PFKP: variants seen among roughly 807,000 people sequenced by gnomAD.
The protein encoded by PFKP is phosphofructokinase, platelet.
PFKP carries 101 observed loss-of-function variants against 94.3 expected under a neutral mutation model. The ratio of observed to expected loss-of-function variants is 1.07; its 90% CI spans 0.91 to 1.26. PFKP has a LOEUF of 1.26. Among genes scored for constraint, PFKP ranks in the 50% most tolerant of loss-of-function variants. PFKP has a pLI of 0.00. For missense variants in PFKP, 1,145 were observed against 1,103.3 expected (o/e 1.04, Z -0.53); for synonymous variants, 573 against 432.6 (o/e 1.32, Z -4.03).
At chr10:3,135,978 G>C (rs1429183255) in intron 21 of PFKP, 140 bp downstream of exon 21, 9 of 621,308 alleles carry the variant, frequency 1.4e-5, no homozygotes, top group East Asian at 2.8e-5. Flanking sequence ...AAAAATACTA[G>C]GTCTTGGCTG....
intron 1 of PFKP, among the ~76,000 whole-genome samples, chr10:3,079,316 G>C (rs997540124): frequency 1.3e-5 from 2 of 151,688 alleles, no homozygotes; most frequent in East Asian, 1.9e-4. Context: ...CTCACTGCAA[G>C]CTCCACCTCC....
At chr10:3,100,619 G>A (rs1431987039) in intron 3 of PFKP, among the ~76,000 whole-genome samples, 2 of 152,182 alleles carry the variant, frequency 1.3e-5, no homozygotes, top group African/African-American at 4.8e-5. Context: ...AACCCCTGCT[G>A]TGCTTATGAG....
intron 2 of PFKP, among the ~76,000 whole-genome samples, chr10:3,090,408 G>A (rs1395707683): frequency 6.6e-6 from 1 of 152,202 alleles, no homozygotes. Context: ...AAAAGTCTGA[G>A]ACTAACGGGG....
intron 2 of PFKP, among the ~76,000 whole-genome samples, chr10:3,096,413 C>G (rs576589141): frequency 6.6e-5 from 10 of 152,206 alleles, no homozygotes; most frequent in Non-Finnish European, 1.3e-4. Flanking sequence ...ATGACCGCAA[C>G]AGCTCTGGGT....
chr10:3,093,638 CTTTTTTTT>C (rs765547765), intron 2 of PFKP, among the ~76,000 whole-genome samples: 1 of 94,056 alleles, frequency 1.1e-5, no homozygotes, highest in African/African-American at 4.7e-5. Flanking sequence ...CAAGCATTAT[CTTTTTTTT>C]TTTTTTTTTT....
At chr10:3,097,119 A>G (rs891031776) in intron 2 of PFKP, among the ~76,000 whole-genome samples, 10 of 149,240 alleles carry the variant, frequency 6.7e-5, no homozygotes, top group Admixed American at 1.3e-4. Context: ...TTGGGGTGGT[A>G]GAGATCACTG....
chr10:3,125,312 T>C (rs1388671088), intron 16 of PFKP: 2 of 1,119,668 alleles, frequency 1.8e-6, no homozygotes, highest in Admixed American at 3.5e-5. Flanking sequence ...TTGTTTCTTC[T>C]GTGCTAAGGA....
intron 2 of PFKP, among the ~76,000 whole-genome samples, chr10:3,098,295 T>C (rs1834662653): frequency 6.6e-6 from 1 of 152,192 alleles, no homozygotes; most frequent in East Asian, 1.9e-4. Flanking sequence ...AAGTGAGTTA[T>C]GTAGATGAAG....
intron 17 of PFKP, among the ~76,000 whole-genome samples, chr10:3,131,213 C>T (rs960925848): frequency 6.6e-6 from 1 of 152,150 alleles, no homozygotes; most frequent in Non-Finnish European, 1.5e-5. Flanking sequence ...CAGTATTCAA[C>T]AGTCCCAGAC....
intron 16 of PFKP, among the ~76,000 whole-genome samples, chr10:3,127,645 T>C (rs993661822): frequency 1.3e-5 from 2 of 152,202 alleles, no homozygotes; most frequent in Non-Finnish European, 2.9e-5. Flanking sequence ...CTCAGAATTC[T>C]GCACTGGCCC....
At position 3,108,776 on chromosome 10, in the gene PFKP, G is replaced by T; in HGVS notation, c.946G>T (p.Ala316Ser). 1 of 1,612,442 alleles carries T rather than the reference G, an allele frequency of 6.2e-7. No homozygotes were observed. Among genetic ancestry groups the T allele is most frequent in the Non-Finnish European group, 8.5e-7 (1 of 1,178,486 alleles). Residue 316 changes from alanine (A) to serine (S), a missense_variant, in exon 9 of 22, where the codon GCA becomes TCA. By Grantham distance (99) the Ala-to-Ser change is moderately conservative. Transcript: ENST00000381125. ...GHVQRGGTPS[A>S]FDRILASRMG... ...CGTGCAGAGAGGAGGGACCCCTTCGGCATTCGACAGGATCTTGGTGAGTTG... is the reference window on the plus strand; with the variant it reads ...CGTGCAGAGAGGAGGGACCCCTTCGTCATTCGACAGGATCTTGGTGAGTTG...
intron 1 of PFKP, among the ~76,000 whole-genome samples, chr10:3,073,523 G>A (rs1454883765): frequency 6.6e-6 from 1 of 151,862 alleles, no homozygotes; most frequent in Non-Finnish European, 1.5e-5. Flanking sequence ...ACCCCCTGGG[G>A]CCAGTGGAGC....
At chr10:3,107,664 C>T in intron 8 of PFKP, 1 of 859,550 alleles carries the variant, frequency 1.2e-6, no homozygotes, top group South Asian at 5.3e-5. Context: ...CCGACCCGGG[C>T]TTCTGTTTGC....
At chr10:3,098,375 G>A (rs1834671257) in intron 2 of PFKP, among the ~76,000 whole-genome samples, 1 of 152,002 alleles carries the variant, frequency 6.6e-6, no homozygotes, top group Non-Finnish European at 1.5e-5. Flanking sequence ...GATGCATTTA[G>A]CATTGAAAGG....
chr10:3,076,242 C>A (rs977303570), intron 1 of PFKP, among the ~76,000 whole-genome samples: 1 of 152,074 alleles, frequency 6.6e-6, no homozygotes, highest in Non-Finnish European at 1.5e-5. Flanking sequence ...AGTGTGGTCA[C>A]GCAATGGGTG....
At chr10:3,132,507 C>T (rs1588576690) in intron 18 of PFKP, 66 bp downstream of exon 18, 3 of 1,159,282 alleles carry the variant, frequency 2.6e-6, no homozygotes, top group East Asian at 2.3e-5. Flanking sequence ...AGATTCTAGT[C>T]TGTGACTTGG....
At position 3,094,836 on chromosome 10, in the gene PFKP, T is replaced by G. The variant is rs139407496; in HGVS notation, c.187-4439T>G. ...AGGAATGTTGTAGCTTTAGGTTCTG[T>G]GGGGGAGGGAAAAGGATTAAACTAG... On this transcript the variant is annotated intron_variant, in intron 2 of 21. Coordinates refer to ENST00000381125, the MANE Select transcript of PFKP (RefSeq NM_002627.5). Among the ~76,000 whole-genome samples the G allele has an allele frequency of 4.7e-3, 722 of 152,122 alleles. 8 individuals are homozygous for G. The highest frequency in any genetic ancestry group is 0.016 in the African/African-American group (674 of 41,478).
In PFKP at chr10:3,133,160, C is replaced by T. The variant is rs757790102; in HGVS notation, c.1911-43C>T. On this transcript the variant is annotated intron_variant, in intron 18 of 21. Transcript: ENST00000381125. ...TCTCCCCAAGCAGGGAGCCACGTGC[C>T]CACTGCACGCTAAACAAAGTGACTC... The T allele has an allele frequency of 5.6e-6, 8 of 1,431,486 alleles. No individual in the cohort carries two copies. In the South Asian group the frequency reaches 8.0e-5, roughly 14 times the overall value. The allele number at this position is 1,431,486 out of a possible 1,614,324, so 88.7% of individuals were successfully genotyped here.
chr10:3,092,800 G>A (rs1834149192), intron 2 of PFKP, among the ~76,000 whole-genome samples: 1 of 152,192 alleles, frequency 6.6e-6, no homozygotes, highest in Non-Finnish European at 1.5e-5. Flanking sequence ...TTTAAAGTGA[G>A]AAATCTCACA....
Sources: gnomAD v4.1 joint callset for allele counts (sites outside exome capture counted in the v4.1 genomes callset) on GRCh38, gnomAD v4.1.1 for gene constraint, MANE v1.5 for transcripts, NCBI Gene and HGNC (gene_info 2026-07-23, HGNC 2026-07-21) for gene names.